Variants in SLCO1B1 observed in about 807,000 individuals in gnomAD.
SLCO1B1 encodes the protein solute carrier organic anion transporter family member 1B1, also known as OATP-2.
SLCO1B1 carries 81 observed loss-of-function variants against 70.1 expected under a neutral mutation model. The ratio of observed to expected loss-of-function variants is 1.16; its 90% CI spans 0.97 to 1.39. The LOEUF (loss-of-function observed/expected upper bound fraction) is 1.39. Among genes scored for constraint, SLCO1B1 ranks in the 40% most tolerant of loss-of-function variants. The pLI, the probability that SLCO1B1 is intolerant of heterozygous loss-of-function variation, is 0.00. For synonymous variants in SLCO1B1, 283 were observed against 271.5 expected, an observed-to-expected ratio of 1.04 and a Z score of -0.42; for missense variants, 895 against 799.6, an observed-to-expected ratio of 1.12 and a Z score of -1.44.
At chr12:21,216,295 A>G (rs1941356874) in intron 11 of SLCO1B1, among the ~76,000 whole-genome samples, 1 of 152,126 alleles carries the variant, frequency 6.6e-6, no homozygotes, top group Non-Finnish European at 1.5e-5. Flanking sequence ...AATAGTAAGA[A>G]CTGTAAGTTT....
At chr12:21,204,097 T>C (rs1941186796) in intron 10 of SLCO1B1, among the ~76,000 whole-genome samples, 1 of 151,994 alleles carries the variant, frequency 6.6e-6, no homozygotes, top group African/African-American at 2.4e-5. Context: ...AATAATATAA[T>C]TAATGGATTC....
chr12:21,208,229 C>T (rs1941236955), intron 11 of SLCO1B1, among the ~76,000 whole-genome samples: 1 of 151,804 alleles, frequency 6.6e-6, no homozygotes, highest in Non-Finnish European at 1.5e-5. Context: ...TATCCAGAAT[C>T]TTTTCTTGGT....
intron 7 of SLCO1B1, among the ~76,000 whole-genome samples, chr12:21,187,668 G>GA (rs34413949): frequency 0.12 from 18,422 of 149,422 alleles, 1,484 homozygotes; most frequent in Non-Finnish European, 0.18. Flanking sequence ...TTGTTATAGG[G>GA]AAAAAAAAAA....
chr12:21,187,374 G>A (rs2121123053), intron 7 of SLCO1B1, among the ~76,000 whole-genome samples: 1 of 152,232 alleles, frequency 6.6e-6, no homozygotes, highest in South Asian at 2.1e-4. Context: ...CCTGAAGACA[G>A]GAAGTAGCTT....
chr12:21,239,329 T>G lies in SLCO1B1; in HGVS notation c.*140T>G. 3 of 718,848 alleles carry G rather than the reference T, an allele frequency of 4.2e-6. No homozygotes were observed. The highest frequency in any genetic ancestry group is 7.5e-6 in the Non-Finnish European group (3 of 398,622). 44.5% of individuals were successfully genotyped at this position (718,848 alleles called of 1,614,324 possible). On this transcript the variant is annotated 3_prime_UTR_variant, in exon 15 of 15. Coordinates refer to ENST00000256958, the MANE Select transcript of SLCO1B1 (RefSeq NM_006446.5). ...TATGGTGGAAGTATAAATAAGCCTA[T>G]GAACTTATAATAAAACAAACTGTAG...
At chr12:21,222,397 A>AAAATATATATATATAT (rs1555097342) in intron 13 of SLCO1B1, 33 bp downstream of exon 13, 9 of 97,730 alleles carry the variant, frequency 9.2e-5, no homozygotes, top group Non-Finnish European at 1.2e-4. Flanking sequence ...AAAAAAAAAA[A>AAAATATATATATATAT]ATATATATAT....
rs149648124 is a variant in SLCO1B1, at chr12:21,186,719, C to G, written c.727+7699C>G. ...TCATGATGGCATTGCTGAGTCTATG[C>G]CAGCAGGCACAAAATCTTGCACTTT... On this transcript the variant is annotated intron_variant, in intron 7 of 14. Transcript: ENST00000256958. 1.1e-3 allele frequency among the ~76,000 whole-genome samples: 168 copies of G among 152,062 alleles called. 1 individual carries two copies. Among genetic ancestry groups the G allele is most frequent in the South Asian group, 7.5e-3 (36 of 4,814 alleles).
intron 1 of SLCO1B1, among the ~76,000 whole-genome samples, chr12:21,133,172 G>A (rs1393476873): frequency 6.6e-6 from 1 of 152,096 alleles, no homozygotes; most frequent in Non-Finnish European, 1.5e-5. Context: ...TGAGGGCTCT[G>A]TTCTGTTCCA....
rs185277763 is a variant in SLCO1B1, at chr12:21,196,563, T to C, written c.728-383T>C. On this transcript the variant is annotated intron_variant, in intron 7 of 14. Coordinates refer to ENST00000256958, the MANE Select transcript of SLCO1B1 (RefSeq NM_006446.5). ...TGCTAAAATTTCATTGCTGACCCTT[T>C]CTTGATTTTATTAGCTTGTGCCAAT... Among the ~76,000 whole-genome samples the C allele has an allele frequency of 3.0e-3, 453 of 152,264 alleles. 7 individuals are homozygous for C. Among genetic ancestry groups the C allele is most frequent in the Admixed American group, 0.028 (428 of 15,282 alleles).
At chr12:21,234,033 C>T (rs556276702) in intron 14 of SLCO1B1, among the ~76,000 whole-genome samples, 1 of 152,326 alleles carries the variant, frequency 6.6e-6, no homozygotes, top group African/African-American at 2.4e-5. Context: ...AAGAGTAATT[C>T]ATGCAGAGCC....
intron 5 of SLCO1B1, 61 bp downstream of exon 5, chr12:21,176,958 A>C: frequency 3.1e-6 from 4 of 1,308,916 alleles, no homozygotes; most frequent in Non-Finnish European, 4.4e-6. Flanking sequence ...TTACATCTCT[A>C]AAAATTGTTG....
intron 2 of SLCO1B1, among the ~76,000 whole-genome samples, chr12:21,168,158 C>G (rs771153729): frequency 2.6e-5 from 4 of 152,038 alleles, no homozygotes; most frequent in Non-Finnish European, 5.9e-5. Flanking sequence ...CATACAGTAT[C>G]TCTCCTTTCG....
intron 5 of SLCO1B1, 117 bp from the exon 6 acceptor site, chr12:21,178,459 T>C (rs1032835233): frequency 3.6e-6 from 1 of 274,226 alleles, no homozygotes; most frequent in Non-Finnish European, 6.1e-6. Flanking sequence ...TATAAATTAC[T>C]TGTACTTGTA....
chr12:21,230,104 A>G (rs183148144), intron 14 of SLCO1B1, among the ~76,000 whole-genome samples: 3 of 152,232 alleles, frequency 2.0e-5, no homozygotes, highest in African/African-American at 7.2e-5. Flanking sequence ...TCACTTTTCT[A>G]GATCTATTGA....
At chr12:21,151,535 T>A (rs1348821530) in intron 2 of SLCO1B1, among the ~76,000 whole-genome samples, 1 of 152,176 alleles carries the variant, frequency 6.6e-6, no homozygotes, top group Admixed American at 6.5e-5. Context: ...TAAAAACAGT[T>A]ATGTCTTAGA....
chr12:21,204,980 G>T (rs1941198435), intron 10 of SLCO1B1, among the ~76,000 whole-genome samples: 1 of 151,658 alleles, frequency 6.6e-6, no homozygotes, highest in Non-Finnish European at 1.5e-5. Context: ...GACTATAGTA[G>T]TCATAAACCA....
intron 7 of SLCO1B1, among the ~76,000 whole-genome samples, chr12:21,179,359 G>A (rs1940864986): frequency 6.6e-6 from 1 of 152,138 alleles, no homozygotes; most frequent in South Asian, 2.1e-4. Context: ...GGATGTTGAT[G>A]TGTACAACTT....
rs1347154794 is a variant in SLCO1B1 at position 21,141,549 on chromosome 12, AT to A, written c.-23del. ...CAAACTGAGCATCAACAACAAAAAC[AT>A]TTGTATGATATCTATATTTCAATCA... On this transcript the variant is annotated 5_prime_UTR_variant, in exon 2 of 15. Coordinates refer to ENST00000256958, the MANE Select transcript of SLCO1B1 (RefSeq NM_006446.5). The A allele has an allele frequency of 1.4e-6, 2 of 1,468,722 alleles. No individual in the cohort carries two copies. The highest frequency in any genetic ancestry group is 1.7e-5 in the Admixed American group (1 of 59,584). The allele number at this position is 1,468,722 out of a possible 1,614,324, so 91.0% of individuals were successfully genotyped here.
At chr12:21,181,726 C>T (rs963821231) in intron 7 of SLCO1B1, among the ~76,000 whole-genome samples, 1 of 151,842 alleles carries the variant, frequency 6.6e-6, no homozygotes, top group Non-Finnish European at 1.5e-5. Context: ...ATACAGTGGA[C>T]CCATGAACAA....
Sources: allele counts gnomAD v4.1 joint callset (sites outside exome capture counted in the v4.1 genomes callset), GRCh38; gene constraint gnomAD v4.1.1; transcripts MANE v1.5; gene names NCBI Gene and HGNC (gene_info 2026-07-23, HGNC 2026-07-21).